Variants in INPP4B observed in about 807,000 individuals in gnomAD.
INPP4B encodes the protein inositol polyphosphate 4-phosphatase type II.
Under a neutral mutation model 122.5 loss-of-function variants are expected in INPP4B, and 55 were observed. That is an observed-to-expected ratio of 0.45 (90% CI 0.36 to 0.56). The LOEUF is 0.56. Ranked by LOEUF, INPP4B falls within the 20% of genes least tolerant of loss-of-function variation. INPP4B has a pLI of 0.00. For synonymous variants in INPP4B, 403 were observed against 388.7 expected, an observed-to-expected ratio of 1.04 and a Z score of -0.43; for missense variants, 1,000 against 1,097.7, an observed-to-expected ratio of 0.91 and a Z score of 1.26.
chr4:142,773,662 A>G (rs1353826100), intron 1 of INPP4B, among the ~76,000 whole-genome samples: 20 of 152,154 alleles, frequency 1.3e-4, no homozygotes, highest in Non-Finnish European at 1.8e-4. Flanking sequence ...TTTCATATTC[A>G]TTTCTGTATT....
chr4:142,037,627 G>A (rs1744789130), intron 25 of INPP4B, among the ~76,000 whole-genome samples: 1 of 152,128 alleles, frequency 6.6e-6, no homozygotes, highest in Non-Finnish European at 1.5e-5. Flanking sequence ...CATGCTTCAA[G>A]TTTGAAGCTA....
intron 2 of INPP4B, among the ~76,000 whole-genome samples, chr4:142,687,177 C>T (rs1186875388): frequency 1.3e-5 from 2 of 151,922 alleles, no homozygotes; most frequent in Non-Finnish European, 1.5e-5. Context: ...GACCGACTGA[C>T]GAGGAATCAA....
At chr4:142,626,968 G>A (rs1746575053) in intron 2 of INPP4B, among the ~76,000 whole-genome samples, 1 of 151,964 alleles carries the variant, frequency 6.6e-6, no homozygotes, top group Non-Finnish European at 1.5e-5. Context: ...AAGTAGCTAG[G>A]TATGATTAAA....
At chr4:142,717,055 T>C (rs1051033431) in intron 2 of INPP4B, among the ~76,000 whole-genome samples, 1 of 152,236 alleles carries the variant, frequency 6.6e-6, no homozygotes, top group African/African-American at 2.4e-5. Flanking sequence ...ACCCTAGGTA[T>C]GACCATGGCA....
chr4:142,180,616 T>G (rs1412817138), intron 15 of INPP4B, among the ~76,000 whole-genome samples: 1 of 152,196 alleles, frequency 6.6e-6, no homozygotes, highest in Non-Finnish European at 1.5e-5. Flanking sequence ...CTGAGTAGGT[T>G]AAGTAACTTG....
At chr4:142,734,401 G>A (rs1305294341) in intron 1 of INPP4B, among the ~76,000 whole-genome samples, 1 of 152,106 alleles carries the variant, frequency 6.6e-6, no homozygotes, top group Non-Finnish European at 1.5e-5. Flanking sequence ...TATAAAAGTG[G>A]GAGGAAACGC....
intron 2 of INPP4B, among the ~76,000 whole-genome samples, chr4:142,606,821 C>G (rs1741369123): frequency 6.6e-6 from 1 of 151,962 alleles, no homozygotes; most frequent in Admixed American, 6.6e-5. Context: ...TTTCAATTAT[C>G]TGTGGTGCAT....
At chr4:142,361,961 T>C (rs1431153854) in intron 7 of INPP4B, among the ~76,000 whole-genome samples, 1 of 151,956 alleles carries the variant, frequency 6.6e-6, no homozygotes, top group African/African-American at 2.4e-5. Context: ...AAATATGACA[T>C]GGCTAGTTCC....
chr4:142,511,619 T>C (rs1824727191), intron 2 of INPP4B, among the ~76,000 whole-genome samples: 1 of 152,124 alleles, frequency 6.6e-6, no homozygotes, highest in South Asian at 2.1e-4. Flanking sequence ...CTATGGAGCT[T>C]TGAAACACTC....
intron 2 of INPP4B, among the ~76,000 whole-genome samples, chr4:142,641,498 C>G (rs1009139868): frequency 6.6e-6 from 1 of 150,914 alleles, no homozygotes; most frequent in Non-Finnish European, 1.5e-5. Flanking sequence ...CAGTTCCCAG[C>G]TATCAGTGAG....
rs35765248 is a variant in INPP4B at position 142,548,749 on chromosome 4, CTGTGTGTGTGTGTGTG to C, written c.-190-86039_-190-86024del. On this transcript the variant is annotated intron_variant, in intron 2 of 25. Transcript: ENST00000262992. ...CCAAATATAGTGCATACAGATGTGT[CTGTGTGTGTGTGTGTG>C]TGTGTGTGTGTATACATATATATAT... 2.1e-5 allele frequency among the ~76,000 whole-genome samples: 3 copies of C among 145,032 alleles called. No individual in the cohort carries two copies. In the South Asian group the frequency reaches 6.6e-4, roughly 32 times the overall value.
At chr4:142,313,516 G>A (rs1766343656) in intron 8 of INPP4B, among the ~76,000 whole-genome samples, 1 of 152,164 alleles carries the variant, frequency 6.6e-6, no homozygotes, top group South Asian at 2.1e-4. Flanking sequence ...GCTGAGCCCT[G>A]AGCTGTGGAA....
chr4:142,540,105 A>G (rs1468562071), intron 2 of INPP4B, among the ~76,000 whole-genome samples: 1 of 152,078 alleles, frequency 6.6e-6, no homozygotes, highest in East Asian at 1.9e-4. Flanking sequence ...TTATTTTAAT[A>G]CAAGTGGAAT....
At chr4:142,645,800 A>G (rs1396582435) in intron 2 of INPP4B, among the ~76,000 whole-genome samples, 1 of 152,206 alleles carries the variant, frequency 6.6e-6, no homozygotes, top group East Asian at 1.9e-4. Flanking sequence ...TTCCCCCCAA[A>G]ATGGAACCTG....
At chr4:142,579,075 C>T (rs1038371750) in intron 2 of INPP4B, among the ~76,000 whole-genome samples, 5 of 151,938 alleles carry the variant, frequency 3.3e-5, no homozygotes, top group Admixed American at 1.3e-4. Flanking sequence ...TGAACATCTG[C>T]GTTCATTTAT....
intron 5 of INPP4B, among the ~76,000 whole-genome samples, chr4:142,416,836 A>AGTTGAC (rs1805877415): frequency 6.6e-6 from 1 of 152,204 alleles, no homozygotes; most frequent in Admixed American, 6.5e-5. Context: ...GTCATAAGAT[A>AGTTGAC]GTTGACTCAC....
intron 12 of INPP4B, among the ~76,000 whole-genome samples, chr4:142,213,202 C>T (rs1199062600): frequency 6.6e-6 from 1 of 152,184 alleles, no homozygotes; most frequent in Non-Finnish European, 1.5e-5. Flanking sequence ...GACCATAATT[C>T]ACCCACTTAG....
intron 12 of INPP4B, among the ~76,000 whole-genome samples, chr4:142,210,668 A>C (rs1844502904): frequency 6.6e-6 from 1 of 152,370 alleles, no homozygotes; most frequent in East Asian, 1.9e-4. Flanking sequence ...TAATATATCA[A>C]CTTAATATGC....
intron 2 of INPP4B, among the ~76,000 whole-genome samples, chr4:142,535,714 T>C (rs1440875653): frequency 6.6e-6 from 1 of 152,206 alleles, no homozygotes; most frequent in Non-Finnish European, 1.5e-5. Context: ...TTTAAATCAA[T>C]TAATAATATG....
Sources: allele counts gnomAD v4.1 joint callset (sites outside exome capture counted in the v4.1 genomes callset), GRCh38; gene constraint gnomAD v4.1.1; transcripts MANE v1.5; gene names NCBI Gene and HGNC (gene_info 2026-07-23, HGNC 2026-07-21).